The following DENND2B variants were observed in gnomAD, a reference collection of about 807,000 sequenced individuals.
The protein encoded by DENND2B is DENN domain-containing protein 2B.
DENND2B carries 32 observed loss-of-function variants against 116.0 expected under a neutral mutation model. The observed-to-expected ratio is 0.28, with a 90% CI of 0.21 to 0.37. DENND2B has a LOEUF of 0.37. Ranked by LOEUF, DENND2B falls within the 10% of genes least tolerant of loss-of-function variation. The pLI is 1.00. For missense variants in DENND2B, 1,276 were observed against 1,477.7 expected (o/e 0.86, Z 2.24); for synonymous variants, 588 against 583.9 (o/e 1.01, Z -0.10).
intron 1 of DENND2B, chr11:8,871,242 T>C (rs1215307303): frequency 1.0e-5 from 1 of 98,686 alleles, no homozygotes; most frequent in African/African-American, 3.9e-5. Context: ...GCGCCGAGAG[T>C]GTGCGAGGGA....
chr11:8,900,594 G>C (rs1371141305), intron 1 of DENND2B, among the ~76,000 whole-genome samples: 2 of 149,696 alleles, frequency 1.3e-5, no homozygotes, highest in Admixed American at 6.6e-5. Context: ...GCAAGACCCT[G>C]TCTCAAAAAA....
rs1281551139 is a variant in DENND2B, at chr11:8,697,553, G to C, written c.3024C>G (p.Ser1008=). 16 of 1,614,158 alleles carry C rather than the reference G, an allele frequency of 9.9e-6. No homozygotes were observed. Among genetic ancestry groups the C allele is most frequent in the Non-Finnish European group, 1.4e-5 (16 of 1,179,984 alleles). Residue 1008 remains serine (S), a synonymous_variant, in exon 17 of 20, where the codon TCC becomes TCG. Coordinates refer to ENST00000313726, the MANE Select transcript of DENND2B (RefSeq NM_213618.2). ...QALERKNELI[S]QDSDSDSDDE... ...CGTCGGAGTCGCTGTCAGAGTCCTG[G>C]GAGATCAGCTCATTCTTCCTCTCCA...
chr11:8,819,258 G>C (rs1220541235), intron 4 of DENND2B, among the ~76,000 whole-genome samples: 1 of 152,118 alleles, frequency 6.6e-6, no homozygotes, highest in Admixed American at 6.6e-5. Flanking sequence ...GCCAGGCGTG[G>C]TGGCACACAG....
At chr11:8,843,739 G>A (rs138912855) in intron 3 of DENND2B, among the ~76,000 whole-genome samples, 1 of 152,116 alleles carries the variant, frequency 6.6e-6, no homozygotes, top group Non-Finnish European at 1.5e-5. Context: ...CCACCCCTGT[G>A]CTTTCCCCCA....
intron 2 of DENND2B, among the ~76,000 whole-genome samples, chr11:8,863,729 A>G (rs1252082737): frequency 6.6e-6 from 1 of 152,230 alleles, no homozygotes; most frequent in East Asian, 1.9e-4. Flanking sequence ...GTTAACCCAC[A>G]GCACCAAATA....
intron 3 of DENND2B, among the ~76,000 whole-genome samples, chr11:8,726,729 C>T (rs956217269): frequency 6.6e-6 from 1 of 152,252 alleles, no homozygotes; most frequent in Non-Finnish European, 1.5e-5. Flanking sequence ...ACATCCTCAT[C>T]TGCATCCTAG....
At position 8,764,969 on chromosome 11, in the gene DENND2B, T is replaced by G. The variant is rs534892745; in HGVS notation, c.-25-14244A>C. 2.5e-4 allele frequency among the ~76,000 whole-genome samples: 35 copies of G among 141,214 alleles called. 1 individual carries two copies. The highest frequency in any genetic ancestry group is 8.5e-4 in the African/African-American group (33 of 38,772). 92.6% of individuals were successfully genotyped at this position (141,214 alleles called of 152,430 possible). A position where few individuals can be genotyped will look rare whatever the true frequency, so the allele number is the denominator to read the frequency against. On this transcript the variant is annotated intron_variant, in intron 1 of 19. Transcript: ENST00000313726. ...AAAAAAAAAAAAAAAAAAAAAAGAA[T>G]TAGAAAAGGATATTAGCAGAAGGTC...
At chr11:8,877,720 C>A (rs1023868932) in intron 2 of DENND2B, among the ~76,000 whole-genome samples, 5 of 152,198 alleles carry the variant, frequency 3.3e-5, no homozygotes, top group Admixed American at 2.0e-4. Flanking sequence ...AATTTAATAT[C>A]ATTTTGTCAT....
chr11:8,766,772 T>C, intron 1 of DENND2B: 2 of 1,055,988 alleles, frequency 1.9e-6, no homozygotes, highest in Non-Finnish European at 1.3e-6. Context: ...GACTCAACTT[T>C]TGTCATTTTA....
chr11:8,903,275 T>C (rs892431837), intron 1 of DENND2B, among the ~76,000 whole-genome samples: 1 of 152,014 alleles, frequency 6.6e-6, no homozygotes. Flanking sequence ...TAGTCGGGTG[T>C]GGTGGCATGC....
At chr11:8,830,931 G>C (rs2062181414) in intron 4 of DENND2B, 1 of 152,294 alleles carries the variant, frequency 6.6e-6, no homozygotes, top group Non-Finnish European at 1.5e-5. Flanking sequence ...GAAAAGCCAA[G>C]ACCAGTAGTC....
chr11:8,835,536 A>T (rs573912316), intron 4 of DENND2B: 1 of 152,358 alleles, frequency 6.6e-6, no homozygotes, highest in Admixed American at 6.5e-5. Flanking sequence ...AAGCAAAATC[A>T]TAAGGACAGA....
chr11:8,761,715 G>C (rs562920589), intron 1 of DENND2B, among the ~76,000 whole-genome samples: 7 of 152,126 alleles, frequency 4.6e-5, no homozygotes, highest in Admixed American at 6.5e-5. Context: ...AGCTCAACCT[G>C]ACTGATGGCA....
At chr11:8,784,946 T>C (rs2058756128) in intron 1 of DENND2B, among the ~76,000 whole-genome samples, 1 of 152,080 alleles carries the variant, frequency 6.6e-6, no homozygotes, top group South Asian at 2.1e-4. Context: ...ATCTACAACT[T>C]GAAACTAAAC....
intron 1 of DENND2B, chr11:8,808,412 G>A (rs973470897): frequency 6.6e-6 from 1 of 152,158 alleles, no homozygotes; most frequent in Non-Finnish European, 1.5e-5. Context: ...ATAAACACAT[G>A]AGTCAGGTGA....
At chr11:8,745,884 A>G (rs188046189) in intron 2 of DENND2B, among the ~76,000 whole-genome samples, 1 of 152,358 alleles carries the variant, frequency 6.6e-6, no homozygotes, top group East Asian at 1.9e-4. Context: ...CTAGCCATTG[A>G]GTCACCCATA....
At chr11:8,761,386 C>A (rs2054595132) in intron 1 of DENND2B, among the ~76,000 whole-genome samples, 1 of 152,112 alleles carries the variant, frequency 6.6e-6, no homozygotes, top group African/African-American at 2.4e-5. Context: ...CATAAAAAAC[C>A]CTGCTCCTGG....
In DENND2B at chr11:8,730,676, CCCAGGCTGGGGCAG is replaced by C. The variant is rs2047972325; in HGVS notation, c.600_613del (p.Cys201LeufsTer12). ...GGGGGACGGCACCACGCTGGGACAG[CCCAGGCTGGGGCAG>C]CCCTCACTGGCCGCCCACTCGCTCC... On this transcript the variant is annotated frameshift_variant, in exon 3 of 20. Transcript: ENST00000313726. LOFTEE classifies it high-confidence loss of function. The surrounding 1 kb of genome is among the most constrained non-coding windows in gnomAD (Gnocchi z 4.1). 3 of 1,612,136 alleles carry C rather than the reference CCCAGGCTGGGGCAG, an allele frequency of 1.9e-6. No homozygotes were observed. Among genetic ancestry groups the C allele is most frequent in the Non-Finnish European group, 2.5e-6 (3 of 1,179,720 alleles).
intron 1 of DENND2B, among the ~76,000 whole-genome samples, chr11:8,901,120 A>G (rs1357227534): frequency 2.0e-5 from 3 of 150,972 alleles, no homozygotes; most frequent in Non-Finnish European, 4.4e-5. Context: ...TCTACTTTGT[A>G]TTTTATTGAT....
Sources: allele counts gnomAD v4.1 joint callset (sites outside exome capture counted in the v4.1 genomes callset), GRCh38; gene constraint gnomAD v4.1.1; non-coding constraint Gnocchi (gnomAD v3.1); transcripts MANE v1.5; gene names NCBI Gene and HGNC (gene_info 2026-07-23, HGNC 2026-07-21).